The following SBF2 variants were observed in gnomAD, a reference collection of about 807,000 sequenced individuals.
The protein encoded by SBF2 is SET binding factor 2, also known as myotubularin-related protein 13.
In SBF2, 112 loss-of-function variants were observed where a neutral mutation model predicts 225.2. The ratio of observed to expected loss-of-function variants is 0.50; its 90% CI spans 0.43 to 0.58. The LOEUF (loss-of-function observed/expected upper bound fraction) is 0.58. SBF2 is among the 20% of genes least tolerant of loss of function. SBF2 has a pLI of 0.00. For synonymous variants in SBF2, 763 were observed against 773.3 expected, an observed-to-expected ratio of 0.99 and a Z score of 0.22; for missense variants, 1,996 against 2,206.2, an observed-to-expected ratio of 0.90 and a Z score of 1.91.
At chr11:9,939,511 T>C (rs1865121554) in intron 16 of SBF2, among the ~76,000 whole-genome samples, 1 of 152,192 alleles carries the variant, frequency 6.6e-6, no homozygotes, top group African/African-American at 2.4e-5. Flanking sequence ...TCAACAAATA[T>C]TTACTGAAAC....
intron 1 of SBF2, among the ~76,000 whole-genome samples, chr11:10,206,473 A>G (rs1591211742): frequency 6.6e-6 from 1 of 152,046 alleles, no homozygotes; most frequent in African/African-American, 2.4e-5. Flanking sequence ...CATTACACCA[A>G]GAACCAGAAA....
chr11:10,078,417 G>A (rs931952238), intron 2 of SBF2, among the ~76,000 whole-genome samples: 4 of 152,092 alleles, frequency 2.6e-5, no homozygotes, highest in African/African-American at 9.7e-5. Context: ...AAGAAAATGT[G>A]GCACATATAC....
chr11:10,001,950 A>G (rs1947980043), intron 7 of SBF2, among the ~76,000 whole-genome samples: 1 of 152,218 alleles, frequency 6.6e-6, no homozygotes, highest in Middle Eastern at 3.2e-3. Flanking sequence ...TTCTAGTTAC[A>G]GCACTATTAG....
At position 10,093,389 on chromosome 11, in the gene SBF2, A is replaced by G. The variant is rs545073195; in HGVS notation, c.142-50408T>C. On this transcript the variant is annotated intron_variant, in intron 2 of 39. Transcript: ENST00000256190. ...TCATCCAGTGGTCAGCTGGAAAAAA[A>G]AAAAAAACAAAAAAAAATTTCTTCC... 2.9e-4 allele frequency among the ~76,000 whole-genome samples: 44 copies of G among 151,806 alleles called. 1 individual carries two copies. In the East Asian group the frequency reaches 8.3e-3, roughly 29 times the overall value.
rs759215256 is a variant in SBF2, at chr11:9,829,475, G to A, written c.3674C>T (p.Ser1225Phe). 1.2e-6 allele frequency: 2 copies of A among 1,612,480 alleles called. No homozygotes were observed. The highest frequency in any genetic ancestry group is 2.2e-5 in the East Asian group (1 of 44,856). The change falls in exon 28 of 40, where the codon TCT (serine) becomes TTT (phenylalanine). Residue 1225 changes from serine to phenylalanine, a missense_variant. Coordinates refer to ENST00000256190, the MANE Select transcript of SBF2 (RefSeq NM_030962.4). Reference protein sequence around the residue: ...PQAAPTSSLESSSSIEQEKYL... With the variant: ...PQAAPTSSLEFSSSIEQEKYL... ...TTTCTCTTGTTCTATGCTACTGGAA[G>A]ATTCTAAAGAGGAGGTAGGAGCTAT...
chr11:9,951,951 G>A (rs891838719), intron 16 of SBF2, among the ~76,000 whole-genome samples: 1 of 152,214 alleles, frequency 6.6e-6, no homozygotes, highest in African/African-American at 2.4e-5. Flanking sequence ...CTTGTTGAGT[G>A]ACAGCTTCAT....
At chr11:10,233,163 T>G (rs1341540135) in intron 1 of SBF2, among the ~76,000 whole-genome samples, 1 of 152,254 alleles carries the variant, frequency 6.6e-6, no homozygotes, top group Non-Finnish European at 1.5e-5. Context: ...ATTTACTCTA[T>G]CATGTCTTCC....
intron 6 of SBF2, among the ~76,000 whole-genome samples, chr11:10,009,801 T>C (rs932054340): frequency 6.6e-6 from 1 of 152,190 alleles, no homozygotes; most frequent in Non-Finnish European, 1.5e-5. Flanking sequence ...CAAATGGTAT[T>C]TCTGGTTCTA....
At chr11:10,106,425 G>A (rs753721243) in intron 2 of SBF2, among the ~76,000 whole-genome samples, 3 of 152,004 alleles carry the variant, frequency 2.0e-5, no homozygotes, top group Non-Finnish European at 4.4e-5. Context: ...TCAGGAGTTC[G>A]AGAACAGCCT....
intron 17 of SBF2, among the ~76,000 whole-genome samples, chr11:9,868,473 G>T (rs1858435073): frequency 6.6e-6 from 1 of 151,544 alleles, no homozygotes; most frequent in Non-Finnish European, 1.5e-5. Context: ...AACTGAGATT[G>T]CGCCACTGCA....
chr11:9,986,614 C>T (rs778940928), intron 13 of SBF2, among the ~76,000 whole-genome samples: 1 of 152,056 alleles, frequency 6.6e-6, no homozygotes, highest in Non-Finnish European at 1.5e-5. Context: ...ACACCTGACA[C>T]CACTGAAATA....
At chr11:10,270,233 A>G (rs1230090299) in intron 1 of SBF2, among the ~76,000 whole-genome samples, 2 of 152,168 alleles carry the variant, frequency 1.3e-5, no homozygotes, top group African/African-American at 4.8e-5. Context: ...GTGCAGTCAA[A>G]AATCTACATA....
intron 1 of SBF2, among the ~76,000 whole-genome samples, chr11:10,261,762 T>G (rs1293576511): frequency 6.6e-6 from 1 of 152,226 alleles, no homozygotes; most frequent in Non-Finnish European, 1.5e-5. Context: ...AACTTGTTGA[T>G]TCACATAATG....
At chr11:10,174,129 T>C (rs1244584441) in intron 2 of SBF2, among the ~76,000 whole-genome samples, 1 of 151,826 alleles carries the variant, frequency 6.6e-6, no homozygotes, top group Non-Finnish European at 1.5e-5. Context: ...GCAACACAGT[T>C]CCTCACCAGC....
chr11:10,196,171 T>C (rs773911988), intron 1 of SBF2, among the ~76,000 whole-genome samples: 1 of 152,240 alleles, frequency 6.6e-6, no homozygotes, highest in Non-Finnish European at 1.5e-5. Flanking sequence ...GCACCTGGCA[T>C]ACTGAATTCC....
At chr11:9,882,127 T>G (rs1859818688) in intron 17 of SBF2, among the ~76,000 whole-genome samples, 1 of 152,140 alleles carries the variant, frequency 6.6e-6, no homozygotes, top group South Asian at 2.1e-4. Context: ...AGACAACAAT[T>G]CCAGACCAAT....
At chr11:10,019,937 T>G (rs934784952) in intron 6 of SBF2, among the ~76,000 whole-genome samples, 2 of 152,318 alleles carry the variant, frequency 1.3e-5, no homozygotes, top group Admixed American at 6.5e-5. Flanking sequence ...CTTTATGTTT[T>G]AGGAACGTAA....
chr11:10,157,697 T>C (rs1955540060), intron 2 of SBF2, among the ~76,000 whole-genome samples: 1 of 152,192 alleles, frequency 6.6e-6, no homozygotes, highest in Non-Finnish European at 1.5e-5. Context: ...GTAATAATAA[T>C]AGAAATAAAG....
At chr11:10,013,567 G>T (rs1043061727) in intron 6 of SBF2, among the ~76,000 whole-genome samples, 3 of 152,178 alleles carry the variant, frequency 2.0e-5, no homozygotes, top group Non-Finnish European at 4.4e-5. Context: ...GAAAGGATTT[G>T]CTAAACTCTT....
Sources: gnomAD v4.1 joint callset for allele counts (sites outside exome capture counted in the v4.1 genomes callset) on GRCh38, gnomAD v4.1.1 for gene constraint, MANE v1.5 for transcripts, NCBI Gene and HGNC (gene_info 2026-07-23, HGNC 2026-07-21) for gene names.